The following RBAK variants were observed in gnomAD, a reference collection of about 807,000 sequenced individuals.
The protein encoded by RBAK is RB associated KRAB zinc finger, also known as RB-associated KRAB zinc finger protein.
A neutral mutation model predicts 65.8 loss-of-function variants in RBAK; 39 were observed. That is an observed-to-expected ratio of 0.59 (90% CI 0.46 to 0.77). The LOEUF is 0.77. Among genes scored for constraint, RBAK ranks in the 30% least tolerant of loss-of-function variants. The pLI is 0.00. For synonymous variants in RBAK, 343 were observed against 289.7 expected (o/e 1.18, Z -1.87); for missense variants, 884 against 855.1 (o/e 1.03, Z -0.42).
rs1357299077 is a variant in RBAK at position 5,068,853 on chromosome 7, C to T, written c.*3252C>T. ...CTGTAAAACAGTGAGCATGAATGAA[C>T]TAGAAGTCCGTGTAATAACGCAGCT... On this transcript the variant is annotated 3_prime_UTR_variant, in exon 5 of 5. Transcript: ENST00000396912. 1 of 152,216 alleles carries T rather than the reference C, an allele frequency of 6.6e-6. No homozygotes were observed. Among genetic ancestry groups the T allele is most frequent in the African/African-American group, 2.4e-5 (1 of 41,450 alleles). The allele number at this position is 152,216 out of a possible 1,614,324, so 9.4% of individuals were successfully genotyped here.
chr7:5,069,144 T>C lies in RBAK; in HGVS notation c.*3543T>C, dbSNP rs943103037. 6 of 152,232 alleles carry C rather than the reference T, an allele frequency of 3.9e-5. No homozygotes were observed. Among genetic ancestry groups the C allele is most frequent in the East Asian group, 3.8e-4 (2 of 5,200 alleles). 9.4% of individuals were successfully genotyped at this position (152,232 alleles called of 1,614,324 possible). ...ATTTTTCTGCATGTGTGTTAAACTT[T>C]CCATAAAAGTTTTCTAAAATCACAA... On this transcript the variant is annotated 3_prime_UTR_variant, in exon 5 of 5. Transcript: ENST00000396912.
intron 2 of RBAK, among the ~76,000 whole-genome samples, chr7:5,052,332 T>G (rs960314553): frequency 6.6e-6 from 1 of 152,212 alleles, no homozygotes; most frequent in African/African-American, 2.4e-5. Flanking sequence ...TGGGGATGTA[T>G]AGACTGTTTA....
rs375686791 is a variant in RBAK at position 5,065,300 on chromosome 7, G to A, written c.1844G>A (p.Arg615Gln). 242 of 1,613,766 alleles carry A rather than the reference G, an allele frequency of 1.5e-4. No individual in the cohort carries two copies. The highest frequency in any genetic ancestry group is 2.0e-4 in the Non-Finnish European group (233 of 1,179,954). ...AAATCATATCTCACTATACATCATC[G>A]AATTCATTCAGGAGAGAAACCCTAT... ...SQKSYLTIHHRIHSGEKPYEC... is the reference protein window; with the variant it reads ...SQKSYLTIHHQIHSGEKPYEC... The change falls in exon 5 of 5, where the codon CGA (arginine) becomes CAA (glutamine). Residue 615 changes from arginine (R) to glutamine (Q), a missense_variant. Transcript: ENST00000396912. The surrounding 1 kb of genome is among the most constrained non-coding windows in gnomAD (Gnocchi z 5.3).
chr7:5,060,737 C>G (rs1440599314), intron 4 of RBAK, among the ~76,000 whole-genome samples: 1 of 152,200 alleles, frequency 6.6e-6, no homozygotes, highest in Admixed American at 6.5e-5. Context: ...TAGTGGAATG[C>G]TAGCTTGGAT....
Position 5,065,083 on chromosome 7 carries a change from G to A in RBAK, c.1627G>A (p.Val543Ile), listed in dbSNP as rs918268185. The A allele has an allele frequency of 8.7e-6, 14 of 1,613,882 alleles. No individual in the cohort carries two copies. The Admixed American group carries it at 1.0e-4, about 12-fold the overall frequency. ...AGGGGAGAAATCCTATGAATGTAAT[G>A]TATGTGGAAAGTTATTCAATGAGTT... ...PKGEKSYECN[V>I]CGKLFNELSY... The change falls in exon 5 of 5, where the codon GTA (valine) becomes ATA (isoleucine). Residue 543 changes from valine to isoleucine, a missense_variant. By Grantham distance (29) the Val-to-Ile change is conservative (BLOSUM62 3). Transcript: ENST00000396912. The surrounding 1 kb of genome is among the most constrained non-coding windows in gnomAD (Gnocchi z 5.3).
intron 2 of RBAK, among the ~76,000 whole-genome samples, chr7:5,050,206 T>G (rs1297563921): frequency 1.3e-5 from 2 of 152,224 alleles, no homozygotes; most frequent in Non-Finnish European, 2.9e-5. Context: ...GGCAATTGGG[T>G]TAAATCTTTT....
chr7:5,056,954 T>G (rs1186210632), intron 2 of RBAK: 1 of 152,380 alleles, frequency 6.6e-6, no homozygotes, highest in Non-Finnish European at 1.5e-5. Context: ...GGTTGTTCAC[T>G]TTGGGAGCAG....
rs536239371 is a variant in RBAK at position 5,067,543 on chromosome 7, C to T, written c.*1942C>T. The T allele has an allele frequency of 1.3e-5, 2 of 152,246 alleles. No individual in the cohort carries two copies. Among genetic ancestry groups the T allele is most frequent in the South Asian group, 2.1e-4 (1 of 4,830 alleles). 9.4% of individuals were successfully genotyped at this position (152,246 alleles called of 1,614,324 possible). A position where few individuals can be genotyped will look rare whatever the true frequency, so the allele number is the denominator to read the frequency against. ...TGCTTTTTCCTAAATTCATTGCAAC[C>T]TTAAAATCCTAGCAAGTTCTTTAAT... On this transcript the variant is annotated 3_prime_UTR_variant, in exon 5 of 5. Transcript: ENST00000396912.
chr7:5,064,200 T>G lies in RBAK; in HGVS notation c.744T>G (p.Phe248Leu). Residue 248 changes from phenylalanine (F) to leucine (L), a missense_variant, in exon 5 of 5, where the codon TTT becomes TTG. By Grantham distance (22) the Phe-to-Leu change is conservative. Transcript: ENST00000396912. This position sits in a 1 kb window ranked among gnomAD's most constrained non-coding sequence, Gnocchi z 6.3. ...CAGACTTCATACAGATGTCAAATTT[T>G]AATGCATATCAGAGATCACAAATGG... ...SGPDFIQMSN[F>L]NAYQRSQMEM... is the part of the protein sequence containing the mutation. 6.2e-7 allele frequency: 1 copy of G among 1,613,930 alleles called. No individual in the cohort carries two copies. The highest frequency in any genetic ancestry group is 8.5e-7 in the Non-Finnish European group (1 of 1,179,946).
chr7:5,068,784 T>G lies in RBAK; in HGVS notation c.*3183T>G, dbSNP rs1245267464. On this transcript the variant is annotated 3_prime_UTR_variant, in exon 5 of 5. Coordinates refer to ENST00000396912, the MANE Select transcript of RBAK (RefSeq NM_021163.4). The stretch of plus-strand genomic sequence containing the variant: ...CAAAACAGAACTATCTTAAGGCACA[T>G]GTGCAATGGAATGAATAAAGAAGTG... 1.3e-5 allele frequency: 2 copies of G among 152,174 alleles called. No individual in the cohort carries two copies. The highest frequency in any genetic ancestry group is 4.8e-5 in the African/African-American group (2 of 41,428). The allele number at this position is 152,174 out of a possible 1,614,324, so 9.4% of individuals were successfully genotyped here.
At position 5,064,988 on chromosome 7, in the gene RBAK, A is replaced by G. The variant is rs758159090; in HGVS notation, c.1532A>G (p.Tyr511Cys). The G allele has an allele frequency of 2.5e-6, 4 of 1,614,114 alleles. No individual in the cohort carries two copies. The highest frequency in any genetic ancestry group is 1.1e-5 in the South Asian group (1 of 91,080). Reference sequence around the variant, plus strand: ...ACAGCTCATTTAGAAGAGAAACCCTATGAATGTAATGAATGTGGGAAAACC... The same window carrying G: ...ACAGCTCATTTAGAAGAGAAACCCTGTGAATGTAATGAATGTGGGAAAACC... Reference protein sequence around the residue: ...HHTAHLEEKPYECNECGKTFL... With the variant: ...HHTAHLEEKPCECNECGKTFL... The change falls in exon 5 of 5, where the codon TAT (tyrosine) becomes TGT (cysteine). Residue 511 changes from tyrosine (Y) to cysteine (C), a missense_variant. Coordinates refer to ENST00000396912, the MANE Select transcript of RBAK (RefSeq NM_021163.4). This position sits in a 1 kb window ranked among gnomAD's most constrained non-coding sequence, Gnocchi z 6.3.
chr7:5,052,363 A>AGTTATGT (rs1340533955), intron 2 of RBAK, among the ~76,000 whole-genome samples: 7 of 152,202 alleles, frequency 4.6e-5, no homozygotes, highest in Non-Finnish European at 5.9e-5. Context: ...AATTATTGAT[A>AGTTATGT]AAACTAGTTA....
At chr7:5,063,476 A>AGTGT (rs1779127737) in intron 4 of RBAK, among the ~76,000 whole-genome samples, 2 of 71,738 alleles carry the variant, frequency 2.8e-5, no homozygotes, top group Admixed American at 3.4e-4. Context: ...TAATTCTTTC[A>AGTGT]CTGTGTGTGT....
In RBAK at chr7:5,069,141, CT is replaced by C. The variant is rs1046120446; in HGVS notation, c.*3543del. ...TGTATTTTTCTGCATGTGTGTTAAA[CT>C]TTCCATAAAAGTTTTCTAAAATCAC... On this transcript the variant is annotated 3_prime_UTR_variant, in exon 5 of 5. Transcript: ENST00000396912. The C allele has an allele frequency of 6.6e-6, 1 of 152,170 alleles. No homozygotes were observed. Among genetic ancestry groups the C allele is most frequent in the Admixed American group, 6.5e-5 (1 of 15,272 alleles). The allele number at this position is 152,170 out of a possible 1,614,324, so 9.4% of individuals were successfully genotyped here. A position where few individuals can be genotyped will look rare whatever the true frequency, so the allele number is the denominator to read the frequency against.
In RBAK at chr7:5,065,414, G is replaced by A; in HGVS notation, c.1958G>A (p.Cys653Tyr). 1 of 1,613,986 alleles carries A rather than the reference G, an allele frequency of 6.2e-7. No individual in the cohort carries two copies. The highest frequency in any genetic ancestry group is 8.5e-7 in the Non-Finnish European group (1 of 1,179,906). Reference sequence around the variant, plus strand: ...CATTCAGGAGAGAAACCCTATGAATGTAATGAATGTGGGAAAGTCTTTTCT... The same window carrying A: ...CATTCAGGAGAGAAACCCTATGAATATAATGAATGTGGGAAAGTCTTTTCT... ...RSHSGEKPYE[C>Y]NECGKVFSQK... Residue 653 changes from cysteine (C) to tyrosine (Y), a missense_variant, in exon 5 of 5, where the codon TGT becomes TAT. Cys to Tyr is a radical substitution (Grantham distance 194). Coordinates refer to ENST00000396912, the MANE Select transcript of RBAK (RefSeq NM_021163.4). The surrounding 1 kb of genome is among the most constrained non-coding windows in gnomAD (Gnocchi z 5.3).
Position 5,063,950 on chromosome 7 carries a change from G to T in RBAK, c.494G>T (p.Cys165Phe). 1 of 1,614,014 alleles carries T rather than the reference G, an allele frequency of 6.2e-7. No homozygotes were observed. Among genetic ancestry groups the T allele is most frequent in the South Asian group, 1.1e-5 (1 of 91,084 alleles). Reference protein sequence around the residue: ...GSYARTKPDECNECGKTYHGE... With the variant: ...GSYARTKPDEFNECGKTYHGE... ...TATGCTAGGACAAAACCTGATGAGT[G>T]TAATGAATGTGGGAAAACATATCAT... Residue 165 changes from cysteine (C) to phenylalanine (F), a missense_variant, in exon 5 of 5, where the codon TGT (cysteine) becomes TTT (phenylalanine). Coordinates refer to ENST00000396912, the MANE Select transcript of RBAK (RefSeq NM_021163.4).
At chr7:5,052,633 A>G (rs993253884) in intron 2 of RBAK, among the ~76,000 whole-genome samples, 7 of 152,208 alleles carry the variant, frequency 4.6e-5, no homozygotes, top group African/African-American at 1.2e-4. Context: ...ACAATAGGAT[A>G]CTTTCATTTC....
chr7:5,068,246 C>T lies in RBAK; in HGVS notation c.*2645C>T, dbSNP rs576664937. On this transcript the variant is annotated 3_prime_UTR_variant, in exon 5 of 5. Transcript: ENST00000396912. ...GCTATTGTGTGAAAGCATCCATACA[C>T]CATGCATTAAAAAAAAAATGAGCAT... is the stretch of plus-strand genomic sequence containing the variant. 1 of 152,054 alleles carries T rather than the reference C, an allele frequency of 6.6e-6. No homozygotes were observed. Among genetic ancestry groups the T allele is most frequent in the Non-Finnish European group, 1.5e-5 (1 of 68,018 alleles). 9.4% of individuals were successfully genotyped at this position (152,054 alleles called of 1,614,324 possible). A position where few individuals can be genotyped will look rare whatever the true frequency, so the allele number is the denominator to read the frequency against.
intron 4 of RBAK, among the ~76,000 whole-genome samples, chr7:5,061,128 G>T (rs1779059525): frequency 1.3e-5 from 2 of 152,148 alleles, no homozygotes; most frequent in African/African-American, 4.8e-5. Context: ...ATGAGCATTT[G>T]TTTTATGTTA....
Sources: allele counts gnomAD v4.1 joint callset (sites outside exome capture counted in the v4.1 genomes callset), GRCh38; gene constraint gnomAD v4.1.1; non-coding constraint Gnocchi (gnomAD v3.1); transcripts MANE v1.5; gene names NCBI Gene and HGNC (gene_info 2026-07-23, HGNC 2026-07-21).